LTBP2: variants seen among roughly 807,000 people sequenced by gnomAD.
The protein encoded by LTBP2 is latent-transforming growth factor beta-binding protein 2.
LTBP2 carries 103 observed loss-of-function variants against 210.6 expected under a neutral mutation model. The ratio of observed to expected loss-of-function variants is 0.49; its 90% confidence interval spans 0.42 to 0.58. The LOEUF (loss-of-function observed/expected upper bound fraction) is 0.58. LTBP2 is among the 20% of genes least tolerant of loss of function. The probability of loss-of-function intolerance (pLI) is 0.00; values close to 1 mark genes in which losing one functional copy is unlikely to be tolerated. For synonymous variants in LTBP2, 1,007 were observed against 1,015.0 expected (o/e 0.99, Z 0.15); for missense variants, 2,313 against 2,494.5 (o/e 0.93, Z 1.55).
chr14:74,602,577 G>A (rs2088463244), intron 2 of LTBP2, among the ~76,000 whole-genome samples: 1 of 152,200 alleles, frequency 6.6e-6, no homozygotes, highest in Non-Finnish European at 1.5e-5. Flanking sequence ...CAAGTTACCT[G>A]ATTGTGCTTC....
intron 13 of LTBP2, 129 bp from the exon 14 acceptor site, chr14:74,526,243 G>A: frequency 3.4e-6 from 3 of 878,036 alleles, no homozygotes; most frequent in Admixed American, 2.0e-5. Flanking sequence ...TTCATTCCAG[G>A]TATTGATGAG....
intron 19 of LTBP2, 38 bp from the exon 20 acceptor site, chr14:74,510,251 TC>T: frequency 6.2e-7 from 1 of 1,609,978 alleles, no homozygotes. Context: ...GCTGGCCTCC[TC>T]CCCATCCTGC....
intron 1 of LTBP2, among the ~76,000 whole-genome samples, chr14:74,609,305 T>G (rs2088572950): frequency 6.6e-6 from 1 of 152,178 alleles, no homozygotes. Flanking sequence ...ATGTGATGTG[T>G]GCACCTGTGT....
At chr14:74,515,781 A>G (rs2087126600) in intron 18 of LTBP2, among the ~76,000 whole-genome samples, 1 of 152,040 alleles carries the variant, frequency 6.6e-6, no homozygotes, top group Non-Finnish European at 1.5e-5. Flanking sequence ...TCTTATCTCC[A>G]TCGTGCTAAG....
chr14:74,513,063 G>C (rs2087091638), intron 18 of LTBP2, among the ~76,000 whole-genome samples: 1 of 152,226 alleles, frequency 6.6e-6, no homozygotes, highest in African/African-American at 2.4e-5. Flanking sequence ...TCCATGCCAG[G>C]AAAAATGAAG....
chr14:74,572,954 C>T (rs1176003614), intron 3 of LTBP2, among the ~76,000 whole-genome samples: 1 of 152,240 alleles, frequency 6.6e-6, no homozygotes, highest in Non-Finnish European at 1.5e-5. Context: ...TGGCTAGATG[C>T]TATGAACATA....
At chr14:74,536,113 CCCAGCCCCCGAAG>C (rs1466812026) in intron 8 of LTBP2, 113 bp from the exon 9 acceptor site, 1 of 882,322 alleles carries the variant, frequency 1.1e-6, no homozygotes, top group Non-Finnish European at 1.9e-6. Flanking sequence ...AGCAGTGAGC[CCCAGCCCCCGAAG>C]CCATCGCCCT....
rs1480681841 is a variant in LTBP2 at position 74,498,989 on chromosome 14, A to G, written c.*1895T>C. The G allele has an allele frequency of 4.5e-6, 1 of 220,994 alleles. No homozygotes were observed. Among genetic ancestry groups the G allele is most frequent in the African/African-American group, 2.2e-5 (1 of 44,710 alleles). 13.7% of individuals were successfully genotyped at this position (220,994 alleles called of 1,614,324 possible). A position where few individuals can be genotyped will look rare whatever the true frequency, so the allele number is the denominator to read the frequency against. On this transcript the variant is annotated 3_prime_UTR_variant, in exon 36 of 36. Coordinates refer to ENST00000261978, the MANE Select transcript of LTBP2 (RefSeq NM_000428.3). ...ATGTCATTTTATATCTGGTGAAAAT[A>G]TATCTGAAGGTTAAGTTCCTAGAAG...
At position 74,541,858 on chromosome 14, in the gene LTBP2, C is replaced by A. The variant is rs147198480; in HGVS notation, c.1790-5858G>T. ...CGATGTGCATAACCAAAGTGCCGGG[C>A]AGAACTGACAAAGGAAATGGTGTAG... On this transcript the variant is annotated intron_variant, in intron 8 of 35. Transcript: ENST00000261978. Among the ~76,000 whole-genome samples, 234 of 152,232 alleles carry A rather than the reference C, an allele frequency of 1.5e-3. 7 individuals are homozygous for A. The East Asian group carries it at 0.043, about 28-fold the overall frequency.
chr14:74,549,758 C>T (rs2087625381), intron 8 of LTBP2, 105 bp downstream of exon 8: 2 of 944,530 alleles, frequency 2.1e-6, no homozygotes, highest in Admixed American at 1.7e-5. Flanking sequence ...CCAGCCTGTT[C>T]TACCTGCCTG....
chr14:74,574,577 C>T (rs991598859), intron 3 of LTBP2, among the ~76,000 whole-genome samples: 1 of 152,152 alleles, frequency 6.6e-6, no homozygotes, highest in African/African-American at 2.4e-5. Flanking sequence ...ATAAATCCTA[C>T]TGATGATGAA....
At chr14:74,580,623 A>C (rs56365335) in intron 3 of LTBP2, among the ~76,000 whole-genome samples, 6,770 of 152,204 alleles carry the variant, frequency 0.044, 390 homozygotes, top group African/African-American at 0.13. Flanking sequence ...TAAGAGCATA[A>C]ATTTCTGCTA....
intron 3 of LTBP2, among the ~76,000 whole-genome samples, chr14:74,578,253 A>G (rs1167339126): frequency 1.3e-5 from 2 of 152,278 alleles, no homozygotes; most frequent in South Asian, 2.1e-4. Context: ...TCATAAGCAC[A>G]TGGAGTAGGC....
chr14:74,506,180 A>T lies in LTBP2; in HGVS notation c.4045T>A (p.Cys1349Ser). Residue 1349 changes from cysteine to serine, a missense_variant, in exon 28 of 36, where the codon TGT becomes AGT. Physicochemically the swap from Cys to Ser is moderately radical, Grantham distance 112. Coordinates refer to ENST00000261978, the MANE Select transcript of LTBP2 (RefSeq NM_000428.3). ...CCACATACCGCCAGCATAAGCTCAC[A>T]CTCGTTCACATCTGCCAGGTGTGAG... is the stretch of plus-strand genomic sequence containing the variant. ...SGWDCVDVNE[C>S]ELMLAVCGAA... 6.2e-7 allele frequency: 1 copy of T among 1,614,044 alleles called. No individual in the cohort carries two copies. The highest frequency in any genetic ancestry group is 8.5e-7 in the Non-Finnish European group (1 of 1,180,012).
chr14:74,610,530 T>C (rs1174065467), intron 1 of LTBP2, among the ~76,000 whole-genome samples: 10 of 152,186 alleles, frequency 6.6e-5, no homozygotes, highest in African/African-American at 2.4e-4. Flanking sequence ...CTTCCCAGAC[T>C]TCCCGATGGT....
At position 74,527,381 on chromosome 14, in the gene LTBP2, T is replaced by TAAC; in HGVS notation, c.2369-18_2369-16dup. The stretch of plus-strand genomic sequence containing the variant: ...CTGAGAGTCACCTGGAAGGGAAAGG[T>TAAC]AACAGCGTGAGCTCAGGGAGGAGGG... On this transcript the variant is annotated splice_polypyrimidine_tract_variant and intron_variant, in intron 12 of 35. Transcript: ENST00000261978. 6.2e-7 allele frequency: 1 copy of TAAC among 1,609,548 alleles called. No homozygotes were observed. Among genetic ancestry groups the TAAC allele is most frequent in the Non-Finnish European group, 8.5e-7 (1 of 1,178,260 alleles).
chr14:74,507,902 G>T (rs1191177586), intron 25 of LTBP2, 71 bp downstream of exon 25: 1 of 1,602,856 alleles, frequency 6.2e-7, no homozygotes, highest in African/African-American at 1.3e-5. Flanking sequence ...CTCCATGGGA[G>T]CTAAGGACCA....
chr14:74,585,954 G>A lies in LTBP2; in HGVS notation c.730C>T (p.Pro244Ser), dbSNP rs2088199316. 1.9e-6 allele frequency: 3 copies of A among 1,613,774 alleles called. No individual in the cohort carries two copies. Among genetic ancestry groups the A allele is most frequent in the African/African-American group, 2.7e-5 (2 of 75,056 alleles). Residue 244 changes from proline to serine, a missense_variant, in exon 3 of 36, where the codon CCC (proline) becomes TCC (serine). Coordinates refer to ENST00000261978, the MANE Select transcript of LTBP2 (RefSeq NM_000428.3). ...LAPRRWAERS[P>S]NLRRSSAAGE... Reference sequence around the variant, plus strand: ...GCCGCACTGCTCCTGCGCAGGTTGGGTGAACGCTCGGCCCAGCGTCGAGGT... The same window carrying A: ...GCCGCACTGCTCCTGCGCAGGTTGGATGAACGCTCGGCCCAGCGTCGAGGT...
At chr14:74,505,266 G>T in intron 28 of LTBP2, 92 bp from the exon 29 acceptor site, 1 of 1,425,080 alleles carries the variant, frequency 7.0e-7, no homozygotes, top group Non-Finnish European at 9.6e-7. Flanking sequence ...TAACATTTGT[G>T]TAGCACTTTA....
Sources: gnomAD v4.1 joint callset for allele counts (sites outside exome capture counted in the v4.1 genomes callset) on GRCh38, gnomAD v4.1.1 for gene constraint, MANE v1.5 for transcripts, NCBI Gene and HGNC (gene_info 2026-07-23, HGNC 2026-07-21) for gene names.